SLC27A6: variants seen among roughly 807,000 people sequenced by gnomAD.
The protein encoded by SLC27A6 is long-chain fatty acid transport protein 6.
Under a neutral mutation model 63.9 loss-of-function variants are expected in SLC27A6, and 74 were observed. The ratio of observed to expected loss-of-function variants is 1.16; its 90% CI spans 0.96 to 1.40. The LOEUF (loss-of-function observed/expected upper bound fraction) is 1.40, where lower values mean the gene tolerates loss of function less well. SLC27A6 is among the 40% of genes most tolerant of loss of function. SLC27A6 has a pLI of 0.00. For missense variants in SLC27A6, 794 were observed against 732.9 expected, an observed-to-expected ratio of 1.08 and a Z score of -0.96; for synonymous variants, 287 against 260.8, an observed-to-expected ratio of 1.10 and a Z score of -0.97.
intron 5 of SLC27A6, among the ~76,000 whole-genome samples, chr5:129,020,674 G>C (rs1458142898): frequency 6.6e-6 from 1 of 152,042 alleles, no homozygotes; most frequent in Non-Finnish European, 1.5e-5. Flanking sequence ...AAAAGTAGGT[G>C]TCTTTTAGGG....
intron 4 of SLC27A6, among the ~76,000 whole-genome samples, chr5:129,002,566 G>A (rs73784823): frequency 1.8e-4 from 15 of 81,670 alleles, no homozygotes; most frequent in Non-Finnish European, 2.9e-4. Context: ...TTCTTCCTTC[G>A]TTCCTTCGTT....
chr5:129,001,436 G>T (rs943837152), intron 4 of SLC27A6, among the ~76,000 whole-genome samples: 1 of 152,138 alleles, frequency 6.6e-6, no homozygotes, highest in African/African-American at 2.4e-5. Flanking sequence ...CAAACTGTTG[G>T]AATGTTTTAT....
At chr5:129,030,634 AAAG>A (rs1366917664) in intron 9 of SLC27A6, among the ~76,000 whole-genome samples, 3 of 152,004 alleles carry the variant, frequency 2.0e-5, no homozygotes, top group Non-Finnish European at 1.5e-5. Context: ...AAATATGAAA[AAAG>A]AAGTAATATA....
intron 6 of SLC27A6, 64 bp from the exon 7 acceptor site, chr5:129,027,069 A>T: frequency 1.3e-5 from 17 of 1,304,898 alleles, no homozygotes; most frequent in Non-Finnish European, 1.8e-5. Flanking sequence ...ATATAGATAC[A>T]TTCATGGTGT....
intron 1 of SLC27A6, among the ~76,000 whole-genome samples, chr5:128,968,879 T>G (rs149917500): frequency 0.24 from 36,685 of 152,168 alleles, 4,983 homozygotes; most frequent in Middle Eastern, 0.33. Flanking sequence ...TTTTCTTCTA[T>G]GGTTCTAATG....
At chr5:128,998,089 A>C (rs1751216493) in intron 4 of SLC27A6, among the ~76,000 whole-genome samples, 1 of 144,718 alleles carries the variant, frequency 6.9e-6, no homozygotes, top group South Asian at 2.3e-4. Flanking sequence ...AGATCAATTT[A>C]GGCAACATAG....
chr5:128,983,040 G>C (rs1750646350), intron 1 of SLC27A6, among the ~76,000 whole-genome samples: 1 of 152,086 alleles, frequency 6.6e-6, no homozygotes, highest in Admixed American at 6.6e-5. Flanking sequence ...AGTAAATCAA[G>C]AGTTTTCCCC....
At chr5:129,005,938 A>G (rs1205224699) in intron 4 of SLC27A6, among the ~76,000 whole-genome samples, 2 of 151,682 alleles carry the variant, frequency 1.3e-5, no homozygotes, top group African/African-American at 2.4e-5. Context: ...TTAATAAAAC[A>G]TTATTTGCAA....
chr5:129,017,623 C>T (rs147662979), intron 5 of SLC27A6, among the ~76,000 whole-genome samples: 1 of 151,976 alleles, frequency 6.6e-6, no homozygotes, highest in Non-Finnish European at 1.5e-5. Flanking sequence ...TAAATCGATT[C>T]TGATTGATAG....
intron 1 of SLC27A6, among the ~76,000 whole-genome samples, chr5:128,983,573 G>T (rs1750688639): frequency 6.6e-6 from 1 of 152,066 alleles, no homozygotes; most frequent in African/African-American, 2.4e-5. Flanking sequence ...GGAATTACAG[G>T]CATGAGCCAC....
rs376898318 is a variant in SLC27A6 at position 128,991,133 on chromosome 5, C to G, written c.969+669C>G. On this transcript the variant is annotated intron_variant, in intron 4 of 9. Coordinates refer to ENST00000262462, the MANE Select transcript of SLC27A6 (RefSeq NM_001017372.3). ...TTATATCTGGATCTTTGTCCCTCCC[C>G]CTGTGCTCTCAGGTGATAGATGATT... 9.2e-5 allele frequency among the ~76,000 whole-genome samples: 14 copies of G among 152,298 alleles called. No individual in the cohort carries two copies. The East Asian group carries it at 2.3e-3, about 25-fold the overall frequency.
chr5:128,970,209 A>G (rs1338556942), intron 1 of SLC27A6, among the ~76,000 whole-genome samples: 1 of 142,136 alleles, frequency 7.0e-6, no homozygotes, highest in Non-Finnish European at 1.6e-5. Flanking sequence ...CATCAAGGAT[A>G]TTGGTCTAAA....
At chr5:128,972,443 T>A (rs937376794) in intron 1 of SLC27A6, among the ~76,000 whole-genome samples, 1 of 152,238 alleles carries the variant, frequency 6.6e-6, no homozygotes, top group African/African-American at 2.4e-5. Flanking sequence ...CCATATTTCT[T>A]CGAGGCTTTG....
Position 129,000,521 on chromosome 5 carries a change from G to A in SLC27A6, c.969+10057G>A, listed in dbSNP as rs187339040. 1.6e-3 allele frequency among the ~76,000 whole-genome samples: 237 copies of A among 152,260 alleles called. 1 individual carries two copies. Among genetic ancestry groups the A allele is most frequent in the Non-Finnish European group, 6.5e-4 (44 of 67,998 alleles). On this transcript the variant is annotated intron_variant, in intron 4 of 9. Transcript: ENST00000262462. ...CAAGGAAAGCTAAATTCTACAGAAC[G>A]TTGGTGTTTCTGGAGGGGACAAAGT...
intron 1 of SLC27A6, among the ~76,000 whole-genome samples, chr5:128,970,226 T>G (rs1580696691): frequency 1.1e-5 from 1 of 88,578 alleles, no homozygotes; most frequent in East Asian, 2.2e-4. Flanking sequence ...TAAAATTCTC[T>G]TTTTTTGTTG....
chr5:128,966,043 GT>G lies in SLC27A6; in HGVS notation c.-94del. The G allele has an allele frequency of 6.9e-7, 1 of 1,439,054 alleles. No homozygotes were observed. Among genetic ancestry groups the G allele is most frequent in the South Asian group, 1.5e-5 (1 of 64,584 alleles). 89.1% of individuals were successfully genotyped at this position (1,439,054 alleles called of 1,614,324 possible). On this transcript the variant is annotated 5_prime_UTR_variant, in exon 1 of 10. Transcript: ENST00000262462. ...GAACTTCAGGTGTAAGCCCTGAGTA[GT>G]GAGGATCTGCGGTCTCCGTGGAGAG...
At chr5:129,007,729 T>C (rs1212417434) in intron 4 of SLC27A6, among the ~76,000 whole-genome samples, 1 of 152,040 alleles carries the variant, frequency 6.6e-6, no homozygotes, top group Non-Finnish European at 1.5e-5. Flanking sequence ...TTTGGTAACA[T>C]ATCCATAAAA....
At chr5:128,985,686 T>C (rs1353140520) in intron 2 of SLC27A6, among the ~76,000 whole-genome samples, 2 of 152,204 alleles carry the variant, frequency 1.3e-5, no homozygotes, top group Non-Finnish European at 2.9e-5. Context: ...TGTTAGCTTC[T>C]CTGATCCTCA....
In SLC27A6 at chr5:128,965,590, A is replaced by T. The variant is rs1749851914; in HGVS notation, c.-548A>T. ...ATCGCTGCGCTTCTCAGTCATCATC[A>T]TCCCAGCTTTTCCCGGCTCGAATTC... On this transcript the variant is annotated 5_prime_UTR_variant, in exon 1 of 10. Transcript: ENST00000262462. 1 of 152,534 alleles carries T rather than the reference A, an allele frequency of 6.6e-6. No individual in the cohort carries two copies. Among genetic ancestry groups the T allele is most frequent in the South Asian group, 2.1e-4 (1 of 4,838 alleles). 9.4% of individuals were successfully genotyped at this position (152,534 alleles called of 1,614,324 possible). A position where few individuals can be genotyped will look rare whatever the true frequency, so the allele number is the denominator to read the frequency against.
Sources: allele counts gnomAD v4.1 joint callset (sites outside exome capture counted in the v4.1 genomes callset), GRCh38; gene constraint gnomAD v4.1.1; transcripts MANE v1.5; gene names NCBI Gene and HGNC (gene_info 2026-07-23, HGNC 2026-07-21).